Variants in CASS4 observed in about 807,000 individuals in gnomAD.
The protein encoded by CASS4 is cas scaffolding protein family member 4.
CASS4 carries 22 observed loss-of-function variants against 54.2 expected under a neutral mutation model. The ratio of observed to expected loss-of-function variants is 0.41; its 90% CI spans 0.29 to 0.58. CASS4 has a LOEUF of 0.58. CASS4 is among the 20% of genes least tolerant of loss of function. CASS4 has a pLI of 0.36. For missense variants in CASS4, 854 were observed against 986.7 expected, an observed-to-expected ratio of 0.87 and a Z score of 1.80; for synonymous variants, 409 against 391.5, an observed-to-expected ratio of 1.04 and a Z score of -0.53.
At chr20:56,432,133 A>G (rs1041158728) in intron 1 of CASS4, among the ~76,000 whole-genome samples, 1 of 151,548 alleles carries the variant, frequency 6.6e-6, no homozygotes, top group Non-Finnish European at 1.5e-5. Flanking sequence ...GGGGCTAGGT[A>G]GGTATAGGCA....
In CASS4 at chr20:56,430,831, C is replaced by A. The variant is rs1013676369; in HGVS notation, c.37-6333C>A. ...GCAGAAGGAACAGCAAAGAAAAGGT[C>A]TGAGGTGGAAGCAACCTCAGGGCAT... On this transcript the variant is annotated intron_variant, in intron 1 of 5. Transcript: ENST00000679887. This position sits in a 1 kb window ranked among gnomAD's most constrained non-coding sequence, Gnocchi z 4.2. Among the ~76,000 whole-genome samples the A allele has an allele frequency of 6.6e-6, 1 of 152,114 alleles. No homozygotes were observed. The highest frequency in any genetic ancestry group is 1.5e-5 in the Non-Finnish European group (1 of 68,036).
chr20:56,418,047 A>G (rs182899720), intron 1 of CASS4, among the ~76,000 whole-genome samples: 103 of 152,196 alleles, frequency 6.8e-4, no homozygotes, highest in African/African-American at 2.0e-3. Context: ...CATTCACCCA[A>G]TGCATAGTTA....
intron 1 of CASS4, among the ~76,000 whole-genome samples, chr20:56,436,638 C>A (rs944863913): frequency 2.6e-5 from 4 of 152,074 alleles, no homozygotes; most frequent in African/African-American, 9.7e-5. Flanking sequence ...TACATAACTA[C>A]AAGGGTCATA....
At position 56,451,865 on chromosome 20, in the gene CASS4, G is replaced by A. The variant is rs1490501338; in HGVS notation, c.689G>A (p.Gly230Asp). 1 of 1,612,968 alleles carries A rather than the reference G, an allele frequency of 6.2e-7. No homozygotes were observed. Among genetic ancestry groups the A allele is most frequent in the Non-Finnish European group, 8.5e-7 (1 of 1,179,034 alleles). ...LISVTTLRRGGYSTLPNPQKS... is the reference protein window; with the variant it reads ...LISVTTLRRGDYSTLPNPQKS... ...TCAGTGACTACCTTAAGAAGAGGCG[G>A]TTACAGCACATTACCAAATCCTCAG... The change falls in exon 5 of 6, where the codon GGT becomes GAT. Residue 230 changes from glycine to aspartate, a missense_variant. Gly to Asp is a moderately conservative substitution (Grantham distance 94). Transcript: ENST00000679887.
At chr20:56,446,129 A>C (rs1383988072) in intron 3 of CASS4, 128 bp downstream of exon 3, 2 of 609,778 alleles carry the variant, frequency 3.3e-6, no homozygotes, top group Non-Finnish European at 5.7e-6. Context: ...CAGAATACAC[A>C]TCACCACTCA....
At position 56,458,656 on chromosome 20, in the gene CASS4, C is replaced by T. The variant is rs144472163; in HGVS notation, c.2270C>T (p.Thr757Met). The T allele has an allele frequency of 5.0e-6, 8 of 1,613,568 alleles. No individual in the cohort carries two copies. Among genetic ancestry groups the T allele is most frequent in the Admixed American group, 3.3e-5 (2 of 59,986 alleles). Reference sequence around the variant, plus strand: ...CTGGCCACTAAGAATGCCGTGCTCACGTACCCCAGCCCTGCCGCGCTGGGG... The same window carrying T: ...CTGGCCACTAAGAATGCCGTGCTCATGTACCCCAGCCCTGCCGCGCTGGGG... Reference protein sequence around the residue: ...VALATKNAVLTYPSPAALGHL... With the variant: ...VALATKNAVLMYPSPAALGHL... The change falls in exon 6 of 6, where the codon ACG (threonine) becomes ATG (methionine). Residue 757 changes from threonine (T) to methionine (M), a missense_variant. Transcript: ENST00000679887.
chr20:56,429,233 CGGG>C (rs1979789388), intron 1 of CASS4, among the ~76,000 whole-genome samples: 3 of 152,180 alleles, frequency 2.0e-5, no homozygotes, highest in African/African-American at 7.2e-5. Context: ...TGAAAGTGTG[CGGG>C]CCAGTTCCCT....
rs1979031510 is a variant in CASS4, at chr20:56,414,427, G to C, written c.36+1933G>C. The stretch of plus-strand genomic sequence containing the variant: ...ATAATTTATGTAGCGCTTTACAATT[G>C]GGTGGGGTTTTGTTATTTAAAAAAA... On this transcript the variant is annotated intron_variant, in intron 1 of 5. Coordinates refer to ENST00000679887, the MANE Select transcript of CASS4 (RefSeq NM_020356.4). The surrounding 1 kb of genome is among the most constrained non-coding windows in gnomAD (Gnocchi z 4.1). Among the ~76,000 whole-genome samples the C allele has an allele frequency of 2.0e-5, 3 of 151,860 alleles. No individual in the cohort carries two copies. In the South Asian group the frequency reaches 6.3e-4, roughly 32 times the overall value.
chr20:56,412,394 C>T lies in CASS4; in HGVS notation c.-65C>T. ...GCCAGAAGCATGCAGTGACATTGCA[C>T]AATCTGCCTCTGAAGCTGGAGATAC... is the stretch of plus-strand genomic sequence containing the variant. On this transcript the variant is annotated 5_prime_UTR_variant, in exon 1 of 6. Transcript: ENST00000679887. The surrounding 1 kb of genome is among the most constrained non-coding windows in gnomAD (Gnocchi z 4.2). 1.3e-6 allele frequency: 2 copies of T among 1,561,108 alleles called. No individual in the cohort carries two copies. The highest frequency in any genetic ancestry group is 1.1e-5 in the South Asian group (1 of 87,710).
At chr20:56,420,889 A>T (rs1416187496) in intron 1 of CASS4, among the ~76,000 whole-genome samples, 1 of 152,206 alleles carries the variant, frequency 6.6e-6, no homozygotes, top group Non-Finnish European at 1.5e-5. Context: ...TATCCCAAAT[A>T]AGGACTGGGG....
At position 56,412,289 on chromosome 20, in the gene CASS4, G is replaced by C; in HGVS notation, c.-170G>C. 1 of 707,480 alleles carries C rather than the reference G, an allele frequency of 1.4e-6. No homozygotes were observed. The allele number at this position is 707,480 out of a possible 1,614,324, so 43.8% of individuals were successfully genotyped here. ...TTACTCTTATCGTGCTTTCCAGAAA[G>C]TTTGCCTGCTGGGAGAGTCTTTTTG... On this transcript the variant is annotated 5_prime_UTR_variant, in exon 1 of 6. Transcript: ENST00000679887. This position sits in a 1 kb window ranked among gnomAD's most constrained non-coding sequence, Gnocchi z 4.2.
At chr20:56,443,328 G>C (rs962019637) in intron 2 of CASS4, among the ~76,000 whole-genome samples, 7 of 151,350 alleles carry the variant, frequency 4.6e-5, no homozygotes, top group African/African-American at 1.5e-4. Context: ...AAGTAGCGGG[G>C]TGTGGTGGCG....
intron 1 of CASS4, among the ~76,000 whole-genome samples, chr20:56,434,846 A>G (rs189426370): frequency 2.4e-4 from 37 of 152,304 alleles, no homozygotes; most frequent in African/African-American, 8.9e-4. Flanking sequence ...CTAGGTGTGT[A>G]TGTGAACAAC....
At chr20:56,450,303 C>T (rs751413761) in intron 3 of CASS4, among the ~76,000 whole-genome samples, 7 of 152,178 alleles carry the variant, frequency 4.6e-5, no homozygotes, top group Non-Finnish European at 8.8e-5. Context: ...GGATTACAGG[C>T]GTGAGCCACC....
chr20:56,445,964 A>T lies in CASS4; in HGVS notation c.524A>T (p.Asp175Val). 6.2e-7 allele frequency: 1 copy of T among 1,614,000 alleles called. No individual in the cohort carries two copies. Among genetic ancestry groups the T allele is most frequent in the East Asian group, 2.2e-5 (1 of 44,870 alleles). Residue 175 changes from aspartate (D) to valine (V), a missense_variant, in exon 3 of 6, where the codon GAC becomes GTC. Asp to Val is a radical substitution (Grantham distance 152). Coordinates refer to ENST00000679887, the MANE Select transcript of CASS4 (RefSeq NM_020356.4). ...SLPTLPSQVY[D>V]VPTQHRGPVV... ...CCGACTCTGCCTTCCCAGGTGTATGACGTGCCTACCCAGCACCGGGGCCCC... is the reference window on the plus strand; with the variant it reads ...CCGACTCTGCCTTCCCAGGTGTATGTCGTGCCTACCCAGCACCGGGGCCCC...
At chr20:56,426,639 A>T (rs2062852102) in intron 1 of CASS4, among the ~76,000 whole-genome samples, 1 of 151,890 alleles carries the variant, frequency 6.6e-6, no homozygotes, top group African/African-American at 2.4e-5. Context: ...GCAGTGGCAC[A>T]ATCCCGGCTC....
At position 56,436,044 on chromosome 20, in the gene CASS4, G is replaced by A. The variant is rs551478118; in HGVS notation, c.37-1120G>A. The stretch of plus-strand genomic sequence containing the variant: ...TGGGATTACAGGCGTGAAACACTGC[G>A]CCCAGCCTCTTGTCATTCACTTATT... On this transcript the variant is annotated intron_variant, in intron 1 of 5. Transcript: ENST00000679887. 1.5e-3 allele frequency among the ~76,000 whole-genome samples: 221 copies of A among 152,082 alleles called. 1 individual carries two copies. Among genetic ancestry groups the A allele is most frequent in the African/African-American group, 5.2e-3 (215 of 41,470 alleles).
At position 56,447,360 on chromosome 20, in the gene CASS4, C is replaced by A. The variant is rs112260070; in HGVS notation, c.561+1359C>A. Among the ~76,000 whole-genome samples, 1,246 of 152,316 alleles carry A rather than the reference C, an allele frequency of 8.2e-3. 23 individuals carry two copies. Among genetic ancestry groups the A allele is most frequent in the African/African-American group, 0.028 (1,168 of 41,560 alleles). On this transcript the variant is annotated intron_variant, in intron 3 of 5. Transcript: ENST00000679887. The stretch of plus-strand genomic sequence containing the variant: ...CTGCTGCCCAGCTTGGGCCTGCCTG[C>A]TGGGCTGGGCTCCAGGGACTGGCTA...
intron 1 of CASS4, among the ~76,000 whole-genome samples, chr20:56,434,502 T>C (rs1018364229): frequency 1.3e-5 from 2 of 152,206 alleles, no homozygotes; most frequent in African/African-American, 4.8e-5. Context: ...AGTGGCACCA[T>C]TTCAGCTCAC....
Sources: allele counts gnomAD v4.1 joint callset (sites outside exome capture counted in the v4.1 genomes callset), GRCh38; gene constraint gnomAD v4.1.1; non-coding constraint Gnocchi (gnomAD v3.1); transcripts MANE v1.5; gene names NCBI Gene and HGNC (gene_info 2026-07-23, HGNC 2026-07-21).